CACNA2D3: variants seen among roughly 807,000 people sequenced by gnomAD.
CACNA2D3 encodes the protein voltage-dependent calcium channel subunit alpha-2/delta-3.
A neutral mutation model predicts 160.6 loss-of-function variants in CACNA2D3; 60 were observed. That is an observed-to-expected ratio of 0.37 (90% CI 0.30 to 0.46). CACNA2D3 has a LOEUF of 0.46. Among genes scored for constraint, CACNA2D3 ranks in the 20% least tolerant of loss-of-function variants. The pLI is 1.00. For synonymous variants in CACNA2D3, 558 were observed against 492.9 expected (o/e 1.13, Z -1.75); for missense variants, 1,205 against 1,365.0 (o/e 0.88, Z 1.85).
At chr3:54,135,466 A>G (rs576708376) in intron 2 of CACNA2D3, among the ~76,000 whole-genome samples, 2 of 152,300 alleles carry the variant, frequency 1.3e-5, no homozygotes, top group Admixed American at 6.5e-5. Context: ...GCCTGCACCA[A>G]CACACCCCCG....
At chr3:54,694,484 C>G (rs546969433) in intron 11 of CACNA2D3, among the ~76,000 whole-genome samples, 1 of 152,280 alleles carries the variant, frequency 6.6e-6, no homozygotes, top group East Asian at 1.9e-4. Flanking sequence ...ACTGATTTTC[C>G]TCATTTTGCC....
At chr3:55,030,671 A>G (rs759057270) in intron 35 of CACNA2D3, among the ~76,000 whole-genome samples, 1 of 152,162 alleles carries the variant, frequency 6.6e-6, no homozygotes, top group Non-Finnish European at 1.5e-5. Context: ...TCTGAATCTC[A>G]GTTCAATGAA....
At chr3:54,808,474 A>G (rs1046910884) in intron 13 of CACNA2D3, among the ~76,000 whole-genome samples, 5 of 152,034 alleles carry the variant, frequency 3.3e-5, no homozygotes, top group Admixed American at 6.6e-5. Flanking sequence ...GCAGGGGAAA[A>G]GTGGGAGAGG....
chr3:54,246,878 A>T (rs1183642095), intron 2 of CACNA2D3, among the ~76,000 whole-genome samples: 1 of 152,260 alleles, frequency 6.6e-6, no homozygotes, highest in African/African-American at 2.4e-5. Context: ...TAGGAAAATT[A>T]ATTTCACTTA....
chr3:54,987,015 G>A (rs954041514), intron 30 of CACNA2D3, among the ~76,000 whole-genome samples: 6 of 152,338 alleles, frequency 3.9e-5, no homozygotes, highest in Middle Eastern at 3.4e-3. Context: ...CAGCCTGGTG[G>A]TGGGGAATGA....
At chr3:54,970,181 T>C (rs1702237439) in intron 29 of CACNA2D3, among the ~76,000 whole-genome samples, 3 of 152,072 alleles carry the variant, frequency 2.0e-5, no homozygotes, top group Non-Finnish European at 4.4e-5. Context: ...CCTTAATCTC[T>C]TTCCATCCTT....
At chr3:54,372,214 G>A (rs1698936646) in intron 3 of CACNA2D3, among the ~76,000 whole-genome samples, 1 of 152,188 alleles carries the variant, frequency 6.6e-6, no homozygotes, top group Non-Finnish European at 1.5e-5. Flanking sequence ...TATATTTTAT[G>A]AATTAACTTC....
At chr3:54,695,969 G>T (rs1700657047) in intron 11 of CACNA2D3, among the ~76,000 whole-genome samples, 1 of 152,060 alleles carries the variant, frequency 6.6e-6, no homozygotes, top group Non-Finnish European at 1.5e-5. Flanking sequence ...TCCTGAAAAG[G>T]CCTTGGTTTT....
chr3:55,041,214 A>G (rs1214920790), intron 35 of CACNA2D3, among the ~76,000 whole-genome samples: 1 of 152,174 alleles, frequency 6.6e-6, no homozygotes, highest in Non-Finnish European at 1.5e-5. Flanking sequence ...GCCTTGTCTT[A>G]TTACACATGA....
intron 13 of CACNA2D3, among the ~76,000 whole-genome samples, chr3:54,767,677 A>C (rs969802650): frequency 1.3e-5 from 2 of 152,198 alleles, no homozygotes; most frequent in Middle Eastern, 3.4e-3. Context: ...GGTACCAAAT[A>C]ATAATAATGA....
chr3:54,967,240 G>A (rs1351382957), intron 27 of CACNA2D3, among the ~76,000 whole-genome samples: 1 of 152,182 alleles, frequency 6.6e-6, no homozygotes, highest in Non-Finnish European at 1.5e-5. Flanking sequence ...TCTTTAGGAA[G>A]TAGAAATGCC....
intron 5 of CACNA2D3, among the ~76,000 whole-genome samples, chr3:54,544,409 T>TA (rs1292482521): frequency 1.7e-4 from 25 of 151,108 alleles, no homozygotes; most frequent in African/African-American, 4.2e-4. Context: ...TTTTTTTTTT[T>TA]AATGTTTTTA....
chr3:55,054,135 T>C (rs1422706519), intron 35 of CACNA2D3, among the ~76,000 whole-genome samples: 1 of 151,944 alleles, frequency 6.6e-6, no homozygotes. Flanking sequence ...TAATATTAAA[T>C]TGCTTCAGGT....
rs368608001 is a variant in CACNA2D3 at position 54,691,987 on chromosome 3, C to CTTT, written c.1167+49753_1167+49755dup. On this transcript the variant is annotated intron_variant, in intron 11 of 37. Coordinates refer to ENST00000474759, the MANE Select transcript of CACNA2D3 (RefSeq NM_018398.3). ...ATTAATAATATTAATTTCTTTCTTC[C>CTTT]TTTTTTTTTGAGACAGAGTCTCACT... Among the ~76,000 whole-genome samples the CTTT allele has an allele frequency of 2.7e-3, 407 of 151,088 alleles. 3 individuals carry two copies. Among genetic ancestry groups the CTTT allele is most frequent in the African/African-American group, 7.9e-3 (325 of 41,234 alleles).
chr3:54,154,237 C>T (rs1700201617), intron 2 of CACNA2D3, among the ~76,000 whole-genome samples: 1 of 152,142 alleles, frequency 6.6e-6, no homozygotes, highest in Admixed American at 6.5e-5. Flanking sequence ...AGAGAAAAAA[C>T]ATAGCCAATA....
intron 4 of CACNA2D3, among the ~76,000 whole-genome samples, chr3:54,475,641 C>G (rs1351201591): frequency 6.6e-6 from 1 of 152,098 alleles, no homozygotes; most frequent in Non-Finnish European, 1.5e-5. Flanking sequence ...TCAGCCTTGC[C>G]CTAAGAGTCA....
At chr3:55,001,307 C>T (rs1291141536) in intron 31 of CACNA2D3, among the ~76,000 whole-genome samples, 1 of 152,214 alleles carries the variant, frequency 6.6e-6, no homozygotes, top group Non-Finnish European at 1.5e-5. Flanking sequence ...ATCTTTCAGC[C>T]AGCTGGGTAA....
At chr3:54,847,527 C>T (rs1698961230) in intron 17 of CACNA2D3, among the ~76,000 whole-genome samples, 1 of 152,194 alleles carries the variant, frequency 6.6e-6, no homozygotes, top group South Asian at 2.1e-4. Flanking sequence ...TGTTTAGAAA[C>T]AGTTCATGTG....
intron 27 of CACNA2D3, among the ~76,000 whole-genome samples, chr3:54,939,437 G>A (rs1010390622): frequency 1.3e-5 from 2 of 152,204 alleles, no homozygotes; most frequent in African/African-American, 2.4e-5. Context: ...CCCCTGGCAT[G>A]TGGAGAAATG....
Sources: gnomAD v4.1 joint callset for allele counts (sites outside exome capture counted in the v4.1 genomes callset) on GRCh38, gnomAD v4.1.1 for gene constraint, MANE v1.5 for transcripts, NCBI Gene and HGNC (gene_info 2026-07-23, HGNC 2026-07-21) for gene names.